DTNB: variants seen among roughly 807,000 people sequenced by gnomAD.
DTNB encodes dystrobrevin beta.
A neutral mutation model predicts 90.7 loss-of-function variants in DTNB; 63 were observed. The observed-to-expected ratio is 0.69, with a 90% confidence interval of 0.57 to 0.86. The LOEUF (loss-of-function observed/expected upper bound fraction) is 0.86. Among genes scored for constraint, DTNB ranks in the 40% least tolerant of loss-of-function variants. DTNB has a pLI of 0.00. For missense variants in DTNB, 744 were observed against 807.1 expected, an observed-to-expected ratio of 0.92 and a Z score of 0.95; for synonymous variants, 277 against 286.7, an observed-to-expected ratio of 0.97 and a Z score of 0.34.
chr2:25,616,225 A>G (rs868704518), intron 4 of DTNB, among the ~76,000 whole-genome samples: 1 of 152,208 alleles, frequency 6.6e-6, no homozygotes, highest in South Asian at 2.1e-4. Context: ...TCACACTTGC[A>G]ACTCTTCCTG....
intron 12 of DTNB, among the ~76,000 whole-genome samples, chr2:25,451,144 A>G (rs1203604901): frequency 1.3e-5 from 2 of 151,994 alleles, no homozygotes; most frequent in Non-Finnish European, 2.9e-5. Context: ...GTTTTTTTAG[A>G]TTTCTTAGGA....
intron 9 of DTNB, among the ~76,000 whole-genome samples, chr2:25,513,046 T>C (rs2074268631): frequency 6.6e-6 from 1 of 152,208 alleles, no homozygotes; most frequent in Non-Finnish European, 1.5e-5. Flanking sequence ...GTTAGAAATA[T>C]GTAGACAGAT....
chr2:25,614,667 A>T (rs2069696565), intron 4 of DTNB, among the ~76,000 whole-genome samples: 1 of 152,234 alleles, frequency 6.6e-6, no homozygotes, highest in Non-Finnish European at 1.5e-5. Context: ...ATGTTCATAA[A>T]ATGGAAGGTT....
intron 12 of DTNB, among the ~76,000 whole-genome samples, chr2:25,440,380 C>A (rs1375832146): frequency 6.6e-6 from 1 of 152,152 alleles, no homozygotes; most frequent in Non-Finnish European, 1.5e-5. Context: ...TAAAATGGCA[C>A]TGACTTAGCT....
intron 8 of DTNB, among the ~76,000 whole-genome samples, chr2:25,542,196 C>T (rs867406660): frequency 1.6e-4 from 25 of 152,242 alleles, no homozygotes; most frequent in Admixed American, 2.6e-4. Flanking sequence ...CTCGCTGCAA[C>T]CTCCACCTCC....
At chr2:25,668,323 A>G (rs555295106) in intron 1 of DTNB, among the ~76,000 whole-genome samples, 1 of 152,384 alleles carries the variant, frequency 6.6e-6, no homozygotes, top group South Asian at 2.1e-4. Flanking sequence ...GCTAAGCAAA[A>G]GAAGCCAATC....
At chr2:25,476,405 C>G (rs2063761867) in intron 10 of DTNB, among the ~76,000 whole-genome samples, 1 of 152,138 alleles carries the variant, frequency 6.6e-6, no homozygotes, top group Non-Finnish European at 1.5e-5. Flanking sequence ...GTAAGAAATA[C>G]ATTTTGTAAG....
chr2:25,478,937 G>C (rs898182620), intron 10 of DTNB, among the ~76,000 whole-genome samples: 9 of 152,254 alleles, frequency 5.9e-5, no homozygotes, highest in Admixed American at 5.9e-4. Context: ...ATGGCACACG[G>C]AGAGAGGCAG....
Position 25,387,116 on chromosome 2 carries a change from A to C in DTNB, c.1825+173T>G. ...AACCGCCCCTACGCGATCCTGTGTG[A>C]CAGAGGCTCTCTGGGTGGAGACATC... On this transcript the variant is annotated intron_variant, in intron 18 of 20. Coordinates refer to ENST00000406818, the MANE Select transcript of DTNB (RefSeq NM_021907.5). This position sits in a 1 kb window ranked among gnomAD's most constrained non-coding sequence, Gnocchi z 4.5. 1 of 585,584 alleles carries C rather than the reference A, an allele frequency of 1.7e-6. No individual in the cohort carries two copies. Among genetic ancestry groups the C allele is most frequent in the Non-Finnish European group, 3.0e-6 (1 of 330,696 alleles). 36.3% of individuals were successfully genotyped at this position (585,584 alleles called of 1,614,324 possible). A position where few individuals can be genotyped will look rare whatever the true frequency, so the allele number is the denominator to read the frequency against.
chr2:25,379,449 G>A (rs889273683), intron 19 of DTNB, 126 bp from the exon 20 acceptor site: 319 of 1,196,930 alleles, frequency 2.7e-4, no homozygotes, highest in Admixed American at 3.4e-4. Context: ...CCCGTTACTC[G>A]TTTGTTGACT....
At position 25,619,059 on chromosome 2, in the gene DTNB, CTG is replaced by C. The variant is rs2071649996; in HGVS notation, c.362+9110_362+9111del. Among the ~76,000 whole-genome samples, 4 of 152,208 alleles carry C rather than the reference CTG, an allele frequency of 2.6e-5. No homozygotes were observed. The South Asian group carries it at 8.3e-4, about 32-fold the overall frequency. Reference sequence around the variant, plus strand: ...TTTCAGTTCAATAAGGTCTCAAATTCTGTCTTTCAATATTTAAAACTAACCAA... The same window carrying C: ...TTTCAGTTCAATAAGGTCTCAAATTCTCTTTCAATATTTAAAACTAACCAA... On this transcript the variant is annotated intron_variant, in intron 4 of 20. Coordinates refer to ENST00000406818, the MANE Select transcript of DTNB (RefSeq NM_021907.5).
Position 25,388,564 on chromosome 2 carries a change from CAGAGAGAGAGA to C in DTNB, c.1576-214_1576-204del, listed in dbSNP as rs1373184757. 4.9e-6 allele frequency: 3 copies of C among 615,432 alleles called. No individual in the cohort carries two copies. The East Asian group carries it at 9.4e-5, about 19-fold the overall frequency. The allele number at this position is 615,432 out of a possible 1,614,324, so 38.1% of individuals were successfully genotyped here. A position where few individuals can be genotyped will look rare whatever the true frequency, so the allele number is the denominator to read the frequency against. The stretch of plus-strand genomic sequence containing the variant: ...GAAAAAAGGAAGGGGGCGTGCAGGG[CAGAGAGAGAGA>C]ACATCCTAAGAACAAGACCAAGAAT... On this transcript the variant is annotated intron_variant, in intron 16 of 20. Transcript: ENST00000406818.
At chr2:25,519,578 A>G (rs985392353) in intron 9 of DTNB, among the ~76,000 whole-genome samples, 1 of 152,090 alleles carries the variant, frequency 6.6e-6, no homozygotes, top group African/African-American at 2.4e-5. Flanking sequence ...GGATTTTGGA[A>G]TATTTGCATT....
intron 8 of DTNB, among the ~76,000 whole-genome samples, chr2:25,573,833 G>A (rs977731256): frequency 6.6e-6 from 1 of 152,120 alleles, no homozygotes; most frequent in Non-Finnish European, 1.5e-5. Context: ...TCTACTTCTA[G>A]TACTAAAATT....
At chr2:25,422,798 G>GTT (rs34221769) in intron 15 of DTNB, among the ~76,000 whole-genome samples, 1 of 152,108 alleles carries the variant, frequency 6.6e-6, no homozygotes, top group Non-Finnish European at 1.5e-5. Flanking sequence ...TAAATAGGAA[G>GTT]TTTTTTTGAG....
intron 6 of DTNB, among the ~76,000 whole-genome samples, chr2:25,584,192 A>C (rs1005971244): frequency 6.6e-6 from 1 of 152,196 alleles, no homozygotes; most frequent in African/African-American, 2.4e-5. Flanking sequence ...GGTCTTTTTC[A>C]ATCTAATTCT....
chr2:25,477,561 G>C (rs999847422), intron 10 of DTNB, among the ~76,000 whole-genome samples: 2 of 152,112 alleles, frequency 1.3e-5, no homozygotes, highest in Non-Finnish European at 2.9e-5. Flanking sequence ...CCCATCCAAA[G>C]ATGGTATTAT....
chr2:25,588,737 T>C lies in DTNB; in HGVS notation c.603+7349A>G, dbSNP rs541191946. Among the ~76,000 whole-genome samples, 179 of 152,262 alleles carry C rather than the reference T, an allele frequency of 1.2e-3. 1 individual carries two copies. The highest frequency in any genetic ancestry group is 3.4e-3 in the African/African-American group (142 of 41,526). ...ACTCAGTTGAAGTGACAACAAATGA[T>C]CAGCTATGATCAAGTTCACACATGT... is the stretch of plus-strand genomic sequence containing the variant. On this transcript the variant is annotated intron_variant, in intron 6 of 20. Coordinates refer to ENST00000406818, the MANE Select transcript of DTNB (RefSeq NM_021907.5).
chr2:25,396,259 C>A (rs1355004204), intron 16 of DTNB, among the ~76,000 whole-genome samples: 3 of 152,094 alleles, frequency 2.0e-5, no homozygotes, highest in African/African-American at 7.2e-5. Context: ...GTCTGCAATC[C>A]CAGCACTTTG....
Sources: allele counts gnomAD v4.1 joint callset (sites outside exome capture counted in the v4.1 genomes callset), GRCh38; gene constraint gnomAD v4.1.1; non-coding constraint Gnocchi (gnomAD v3.1); transcripts MANE v1.5; gene names NCBI Gene and HGNC (gene_info 2026-07-23, HGNC 2026-07-21).